The following SLC5A4 variants were observed in gnomAD, a reference collection of about 807,000 sequenced individuals.
SLC5A4 encodes the protein solute carrier family 5 member 4.
In SLC5A4, 55 loss-of-function variants were observed where a neutral mutation model predicts 70.3. The observed-to-expected ratio is 0.78, with a 90% CI of 0.63 to 0.98. The LOEUF (loss-of-function observed/expected upper bound fraction) is 0.98, where lower values mean the gene tolerates loss of function less well. SLC5A4 is among the 50% of genes least tolerant of loss of function. The pLI, the probability that SLC5A4 is intolerant of heterozygous loss-of-function variation, is 0.00. For missense variants in SLC5A4, 735 were observed against 839.2 expected (o/e 0.88, Z 1.53); for synonymous variants, 268 against 305.7 (o/e 0.88, Z 1.29).
chr22:32,326,624 T>C, the SLC5A4 span, among the ~76,000 whole-genome samples: 154 of 152,260 alleles, frequency 1.0e-3, 1 homozygote, highest in African/African-American at 3.5e-3. Context: ...ATCCTACTTG[T>C]AAATGTGTCC....
chr22:32,330,762 G>T, the SLC5A4 span, among the ~76,000 whole-genome samples: 1 of 37,176 alleles, frequency 2.7e-5, no homozygotes. Context: ...GGAAGCTCTG[G>T]TGTATGTGTT....
the SLC5A4 span, among the ~76,000 whole-genome samples, chr22:32,353,220 G>A: frequency 1.3e-5 from 2 of 152,042 alleles, no homozygotes; most frequent in African/African-American, 4.8e-5. Flanking sequence ...TACTAGAACC[G>A]CTGGGCCCAC....
the SLC5A4 span, among the ~76,000 whole-genome samples, chr22:32,298,599 TC>T: frequency 1.2e-5 from 1 of 80,824 alleles, no homozygotes. Context: ...GGGTCTTGAC[TC>T]TTTATCCAAT....
At chr22:32,320,480 T>A in the SLC5A4 span, among the ~76,000 whole-genome samples, 1 of 152,030 alleles carries the variant, frequency 6.6e-6, no homozygotes, top group Non-Finnish European at 1.5e-5. Context: ...GGATGCCAGG[T>A]CAAAAACAAC....
chr22:32,347,382 G>C, the SLC5A4 span, among the ~76,000 whole-genome samples: 31,479 of 151,866 alleles, frequency 0.21, 3,650 homozygotes, highest in East Asian at 0.48. Flanking sequence ...TATAAATCAT[G>C]CTGCTATAAA....
the SLC5A4 span, among the ~76,000 whole-genome samples, chr22:32,264,290 T>A: frequency 6.6e-6 from 1 of 151,906 alleles, no homozygotes; most frequent in Non-Finnish European, 1.5e-5. Context: ...CTAAGAAATC[T>A]CAATCAGGTG....
chr22:32,299,323 G>A, the SLC5A4 span, among the ~76,000 whole-genome samples: 1 of 150,332 alleles, frequency 6.7e-6, no homozygotes, highest in African/African-American at 2.5e-5. Flanking sequence ...TTTTCACATA[G>A]TCCCATATTT....
intron 13 of SLC5A4, among the ~76,000 whole-genome samples, chr22:32,221,300 G>C (rs1925067169): frequency 6.6e-6 from 1 of 152,152 alleles, no homozygotes; most frequent in African/African-American, 2.4e-5. Flanking sequence ...CAGCAAAGTT[G>C]AAGATTTAGC....
chr22:32,335,580 C>A, the SLC5A4 span, among the ~76,000 whole-genome samples: 1 of 152,184 alleles, frequency 6.6e-6, no homozygotes, highest in Non-Finnish European at 1.5e-5. Flanking sequence ...TCTGTGCCTA[C>A]ATCCACATGG....
Position 32,224,301 on chromosome 22 carries a change from A to T in SLC5A4, c.1631T>A (p.Ile544Asn). 6.2e-7 allele frequency: 1 copy of T among 1,614,016 alleles called. No individual in the cohort carries two copies. Residue 544 changes from isoleucine to asparagine, a missense_variant, in exon 13 of 15, where the codon ATT becomes AAT. Physicochemically the swap from Ile to Asn is moderately radical, Grantham distance 149. Coordinates refer to ENST00000266086, the MANE Select transcript of SLC5A4 (RefSeq NM_014227.3). ...FFGSMLVTLGISLLTKPIPDV... is the reference protein window; with the variant it reads ...FFGSMLVTLGNSLLTKPIPDV... ...AGGAATGGGTTTTGTTAAGAGGGAA[A>T]TTCCCAGGGTGACCAGCATGGACCC...
At chr22:32,305,184 C>G in the SLC5A4 span, among the ~76,000 whole-genome samples, 2 of 151,872 alleles carry the variant, frequency 1.3e-5, no homozygotes, top group Admixed American at 1.3e-4. Flanking sequence ...TCTCCAGTTT[C>G]TAATCAGCTC....
intron 7 of SLC5A4, 110 bp downstream of exon 7, chr22:32,237,134 G>T: frequency 1.3e-6 from 1 of 750,436 alleles, no homozygotes; most frequent in Admixed American, 2.1e-5. Context: ...TGACTGGAAA[G>T]TGTGACCAGA....
chr22:32,247,287 A>G, intron 5 of SLC5A4, 124 bp downstream of exon 5: 1 of 647,572 alleles, frequency 1.5e-6, no homozygotes, highest in African/African-American at 1.8e-5. Flanking sequence ...AGAATTTAAG[A>G]CATCCATATC....
upstream of SLC5A4, among the ~76,000 whole-genome samples, chr22:32,256,957 TTC>T (rs1179969590): frequency 6.6e-6 from 1 of 152,246 alleles, no homozygotes; most frequent in Non-Finnish European, 1.5e-5. Flanking sequence ...CATGTGATAA[TTC>T]TGTGTTTAAC....
At chr22:32,280,209 T>G in the SLC5A4 span, among the ~76,000 whole-genome samples, 2 of 152,070 alleles carry the variant, frequency 1.3e-5, no homozygotes, top group South Asian at 4.2e-4. Flanking sequence ...AGAGACAGGG[T>G]TTCCCCATAT....
chr22:32,335,642 G>C, the SLC5A4 span, among the ~76,000 whole-genome samples: 1 of 152,214 alleles, frequency 6.6e-6, no homozygotes, highest in Non-Finnish European at 1.5e-5. Flanking sequence ...TGGGCAGCAC[G>C]GAGTCCGGTC....
the SLC5A4 span, among the ~76,000 whole-genome samples, chr22:32,337,586 T>A: frequency 6.6e-6 from 1 of 152,184 alleles, no homozygotes; most frequent in African/African-American, 2.4e-5. Flanking sequence ...CACAGTAGTG[T>A]TCACAGACCA....
At chr22:32,340,975 G>A in the SLC5A4 span, among the ~76,000 whole-genome samples, 4 of 152,208 alleles carry the variant, frequency 2.6e-5, no homozygotes, top group African/African-American at 9.7e-5. Flanking sequence ...TCAGTGGAGG[G>A]GTGGGTGCGG....
At chr22:32,331,257 T>C in the SLC5A4 span, among the ~76,000 whole-genome samples, 1 of 151,508 alleles carries the variant, frequency 6.6e-6, no homozygotes, top group Non-Finnish European at 1.5e-5. Flanking sequence ...CCAAGGCACA[T>C]TGTAGGTGCT....
Sources: allele counts gnomAD v4.1 joint callset (sites outside exome capture counted in the v4.1 genomes callset), GRCh38; gene constraint gnomAD v4.1.1; transcripts MANE v1.5; gene names NCBI Gene and HGNC (gene_info 2026-07-23, HGNC 2026-07-21).